Variants in GARS1 observed in about 807,000 individuals in gnomAD.
GARS1 encodes the protein glycine--tRNA ligase.
Under a neutral mutation model 86.4 loss-of-function variants are expected in GARS1, and 46 were observed. The observed-to-expected ratio is 0.53, with a 90% CI of 0.42 to 0.68. GARS1 has a LOEUF of 0.68. Among genes scored for constraint, GARS1 ranks in the 30% least tolerant of loss-of-function variants. The pLI is 0.00. For missense variants in GARS1, 797 were observed against 915.6 expected (o/e 0.87, Z 1.67); for synonymous variants, 342 against 329.8 (o/e 1.04, Z -0.40).
rs777879141 is a variant in GARS1, at chr7:30,616,070, G to A, written c.1194+12G>A. On this transcript the variant is annotated intron_variant, in intron 9 of 16. Transcript: ENST00000389266. ...ATGCTGTTGAACAGGTAGGATTCTG[G>A]AGGTAACTTAACTTAGATTGTGCCT... The A allele has an allele frequency of 9.9e-6, 16 of 1,614,010 alleles. No homozygotes were observed. The highest frequency in any genetic ancestry group is 2.7e-5 in the African/African-American group (2 of 74,928).
intron 9 of GARS1, 80 bp downstream of exon 9, chr7:30,616,138 T>A (rs1782886129): frequency 2.7e-6 from 4 of 1,467,576 alleles, no homozygotes; most frequent in African/African-American, 1.4e-5. Context: ...GTGTTCTGGG[T>A]GACAAGATAT....
At chr7:30,633,061 A>G (rs1392045717) in intron 16 of GARS1, among the ~76,000 whole-genome samples, 1 of 152,190 alleles carries the variant, frequency 6.6e-6, no homozygotes, top group Non-Finnish European at 1.5e-5. Context: ...GAAGCAAAAG[A>G]CTGCTTTTTT....
intron 10 of GARS1, 27 bp downstream of exon 10, chr7:30,617,305 A>G (rs781181514): frequency 6.2e-7 from 1 of 1,611,260 alleles, no homozygotes; most frequent in Non-Finnish European, 8.5e-7. Context: ...TTACCATGTG[A>G]TTTTCACATT....
intron 14 of GARS1, among the ~76,000 whole-genome samples, chr7:30,630,664 C>T (rs1783218148): frequency 6.6e-6 from 1 of 152,064 alleles, no homozygotes; most frequent in African/African-American, 2.4e-5. Context: ...GTGCGCCTCA[C>T]AATGCCCAGC....
rs1342566077 is a variant in GARS1 at position 30,633,947 on chromosome 7, T to C, written c.*87T>C. On this transcript the variant is annotated 3_prime_UTR_variant, in exon 17 of 17. Transcript: ENST00000389266. ...GTCCACTTTACAAAAGAAAACAGCA[T>C]TGTGATTACTCCCAGGGACCGTATT... 7.3e-6 allele frequency: 11 copies of C among 1,500,048 alleles called. No homozygotes were observed. The highest frequency in any genetic ancestry group is 9.1e-6 in the Non-Finnish European group (10 of 1,100,292). 92.9% of individuals were successfully genotyped at this position (1,500,048 alleles called of 1,614,324 possible).
At chr7:30,604,310 T>G (rs1791440453) in intron 6 of GARS1, among the ~76,000 whole-genome samples, 1 of 152,208 alleles carries the variant, frequency 6.6e-6, no homozygotes, top group Non-Finnish European at 1.5e-5. Context: ...GCAAAGTACA[T>G]TTCTCCAACA....
intron 3 of GARS1, among the ~76,000 whole-genome samples, 173 bp downstream of exon 3, chr7:30,600,222 T>C (rs907061873): frequency 2.0e-5 from 3 of 152,226 alleles, no homozygotes; most frequent in Non-Finnish European, 4.4e-5. Context: ...ACCTGTTATT[T>C]TTCTCCACTG....
In GARS1 at chr7:30,632,397, C is replaced by T. The variant is rs776308038; in HGVS notation, c.2054C>T (p.Thr685Ile). The T allele has an allele frequency of 6.2e-7, 1 of 1,614,176 alleles. No homozygotes were observed. The highest frequency in any genetic ancestry group is 8.5e-7 in the Non-Finnish European group (1 of 1,180,020). Residue 685 changes from threonine (T) to isoleucine (I), a missense_variant, in exon 16 of 17, where the codon ACT (threonine) becomes ATT (isoleucine). Physicochemically the swap from Thr to Ile is moderately conservative, Grantham distance 89 (BLOSUM62 -1). Around this residue, in one of 2 missense-constraint regions of GARS1, gnomAD observed 598 missense variants for 738.7 expected, o/e 0.81. Transcript: ENST00000389266. This position sits in a 1 kb window ranked among gnomAD's most constrained non-coding sequence, Gnocchi z 4.1. Reference sequence around the variant, plus strand: ...GTGAACAAGACCCCCCACACTGCAACTCTGAGGGACCGTGACTCAATGCGG... The same window carrying T: ...GTGAACAAGACCCCCCACACTGCAATTCTGAGGGACCGTGACTCAATGCGG... ...DTVNKTPHTA[T>I]LRDRDSMRQI...
At chr7:30,613,170 A>G (rs899301577) in intron 8 of GARS1, among the ~76,000 whole-genome samples, 9 of 152,134 alleles carry the variant, frequency 5.9e-5, no homozygotes, top group Non-Finnish European at 4.4e-5. Context: ...CCATGATGCC[A>G]TCTGGGAGAA....
chr7:30,631,892 G>A, intron 15 of GARS1: 3 of 388,582 alleles, frequency 7.7e-6, no homozygotes, highest in Non-Finnish European at 1.5e-5. Context: ...AAGGAATCCT[G>A]GTGGTCATCT....
Position 30,622,432 on chromosome 7 carries a change from C to T in GARS1, c.1583C>T (p.Thr528Ile). 6.2e-7 allele frequency: 1 copy of T among 1,614,116 alleles called. No individual in the cohort carries two copies. The highest frequency in any genetic ancestry group is 1.1e-5 in the South Asian group (1 of 91,078). ...GCCATTTGTGATGAGTGCTACATTA[C>T]AGAAATGGAGATGCTGCTGAATGAG... The part of the protein sequence containing the change: ...YLAICDECYI[T>I]EMEMLLNEKG... The change falls in exon 12 of 17, where the codon ACA (threonine) becomes ATA (isoleucine). Residue 528 changes from threonine (T) to isoleucine (I), a missense_variant. Coordinates refer to ENST00000389266, the MANE Select transcript of GARS1 (RefSeq NM_002047.4).
chr7:30,632,396 A>T lies in GARS1; in HGVS notation c.2053A>T (p.Thr685Ser). The T allele has an allele frequency of 1.2e-6, 2 of 1,613,848 alleles. No individual in the cohort carries two copies. Among genetic ancestry groups the T allele is most frequent in the Non-Finnish European group, 1.7e-6 (2 of 1,179,930 alleles). The change falls in exon 16 of 17, where the codon ACT becomes TCT. Residue 685 changes from threonine (T) to serine (S), a missense_variant. Transcript: ENST00000389266. The surrounding 1 kb of genome is among the most constrained non-coding windows in gnomAD (Gnocchi z 4.1). ...DTVNKTPHTATLRDRDSMRQI... is the reference protein window; with the variant it reads ...DTVNKTPHTASLRDRDSMRQI... ...AGTGAACAAGACCCCCCACACTGCA[A>T]CTCTGAGGGACCGTGACTCAATGCG...
chr7:30,617,510 G>A (rs894352900), intron 10 of GARS1, among the ~76,000 whole-genome samples: 1 of 152,210 alleles, frequency 6.6e-6, no homozygotes. Context: ...ATGGGACAGT[G>A]CGGATGTGTA....
rs779588993 is a variant in GARS1, at chr7:30,609,641, A to C, written c.792A>C (p.Lys264Asn). The change falls in exon 7 of 17, where the codon AAA (lysine) becomes AAC (asparagine). Residue 264 changes from lysine to asparagine, a missense_variant. Lys to Asn is a moderately conservative substitution (Grantham distance 94). Around this residue, in one of 2 missense-constraint regions of GARS1, gnomAD observed 598 missense variants for 738.7 expected, o/e 0.81. Transcript: ENST00000389266. ...ATCTTTTTGTGAACTATAATGTAAA[A>C]TCTCCCATTACTGGAAATGATCTAT... The part of the protein sequence containing the change: ...LADLFVNYNV[K>N]SPITGNDLSP... The C allele has an allele frequency of 1.2e-6, 2 of 1,613,108 alleles. No individual in the cohort carries two copies. Among genetic ancestry groups the C allele is most frequent in the Non-Finnish European group, 1.7e-6 (2 of 1,179,188 alleles).
At chr7:30,597,559 C>T (rs1791279397) in intron 1 of GARS1, among the ~76,000 whole-genome samples, 1 of 152,058 alleles carries the variant, frequency 6.6e-6, no homozygotes, top group Admixed American at 6.5e-5. Context: ...TTAAGGTTAC[C>T]AAAATAGTAA....
Position 30,633,962 on chromosome 7 carries a change from G to T in GARS1, c.*102G>T. 1 of 1,422,356 alleles carries T rather than the reference G, an allele frequency of 7.0e-7. No homozygotes were observed. The highest frequency in any genetic ancestry group is 9.6e-7 in the Non-Finnish European group (1 of 1,044,810). 88.1% of individuals were successfully genotyped at this position (1,422,356 alleles called of 1,614,324 possible). A position where few individuals can be genotyped will look rare whatever the true frequency, so the allele number is the denominator to read the frequency against. ...GAAAACAGCATTGTGATTACTCCCA[G>T]GGACCGTATTTTATCTTCAGTGGCT... On this transcript the variant is annotated 3_prime_UTR_variant, in exon 17 of 17. Transcript: ENST00000389266.
At position 30,603,747 on chromosome 7, in the gene GARS1, T is replaced by A. The variant is rs182993271; in HGVS notation, c.735+175T>A. On this transcript the variant is annotated intron_variant, in intron 6 of 16. Coordinates refer to ENST00000389266, the MANE Select transcript of GARS1 (RefSeq NM_002047.4). Reference sequence around the variant, plus strand: ...TTGCATTTTTATTTTCTTCTCTCTTTTGTGACTAACCCTTTATTTCAGCCC... The same window carrying A: ...TTGCATTTTTATTTTCTTCTCTCTTATGTGACTAACCCTTTATTTCAGCCC... Among the ~76,000 whole-genome samples the A allele has an allele frequency of 1.3e-4, 20 of 152,338 alleles. No individual in the cohort carries two copies. The East Asian group carries it at 3.9e-3, about 29-fold the overall frequency.
rs1783290743 is a variant in GARS1, at chr7:30,634,005, CAATT to C, written c.*148_*151del. The stretch of plus-strand genomic sequence containing the variant: ...CAGTGGCTGCCTGATTTTACCCCCA[CAATT>C]AAAGTTGAAGGAATCCTGAACAAAC... On this transcript the variant is annotated 3_prime_UTR_variant, in exon 17 of 17. Coordinates refer to ENST00000389266, the MANE Select transcript of GARS1 (RefSeq NM_002047.4). The C allele has an allele frequency of 1.0e-6, 1 of 975,130 alleles. No individual in the cohort carries two copies. Among genetic ancestry groups the C allele is most frequent in the South Asian group, 1.5e-5 (1 of 65,400 alleles). The allele number at this position is 975,130 out of a possible 1,614,324, so 60.4% of individuals were successfully genotyped here.
chr7:30,617,053 T>C (rs1452687577), intron 9 of GARS1, 61 bp from the exon 10 acceptor site: 3 of 1,557,824 alleles, frequency 1.9e-6, no homozygotes, highest in Non-Finnish European at 2.6e-6. Context: ...TATCTTGGCT[T>C]TGAAGAGTAT....
Sources: gnomAD v4.1 joint callset for allele counts (sites outside exome capture counted in the v4.1 genomes callset) on GRCh38, gnomAD v4.1.1 for gene constraint, gnomAD v4.1.1 regional missense constraint, Gnocchi (gnomAD v3.1) non-coding constraint, MANE v1.5 for transcripts, NCBI Gene and HGNC (gene_info 2026-07-23, HGNC 2026-07-21) for gene names.